Variants in PRELID2 observed in about 807,000 individuals in gnomAD.
PRELID2 encodes the protein PRELI domain containing 2.
A neutral mutation model predicts 28.4 loss-of-function variants in PRELID2; 25 were observed. That is an observed-to-expected ratio of 0.88 (90% CI 0.64 to 1.23). The LOEUF (loss-of-function observed/expected upper bound fraction) is 1.23. Ranked by LOEUF, PRELID2 falls within the 50% of genes most tolerant of loss-of-function variation. The pLI is 0.00. For synonymous variants in PRELID2, 76 were observed against 71.6 expected (o/e 1.06, Z -0.31); for missense variants, 201 against 214.4 (o/e 0.94, Z 0.39).
chr5:145,278,001 C>G, the PRELID2 span, among the ~76,000 whole-genome samples: 1 of 152,164 alleles, frequency 6.6e-6, no homozygotes, highest in African/African-American at 2.4e-5. Flanking sequence ...ACCAGTGATT[C>G]TAAAGTCTCT....
At chr5:145,600,438 T>A (rs914326993) in intron 1 of PRELID2, among the ~76,000 whole-genome samples, 73 of 136,280 alleles carry the variant, frequency 5.4e-4, no homozygotes, top group South Asian at 1.5e-3. Context: ...AAAAAAAATA[T>A]ATATATATAT....
chr5:145,624,143 G>A (rs1378304725), intron 1 of PRELID2, among the ~76,000 whole-genome samples: 1 of 152,200 alleles, frequency 6.6e-6, no homozygotes, highest in Non-Finnish European at 1.5e-5. Context: ...CAATAGTGGG[G>A]AAGTGTGCTG....
rs559399282 is a variant in PRELID2, at chr5:145,813,678, T to C, written c.368+4216A>G. Among the ~76,000 whole-genome samples, 257 of 152,280 alleles carry C rather than the reference T, an allele frequency of 1.7e-3. 2 individuals are homozygous for C. The highest frequency in any genetic ancestry group is 2.9e-3 in the Non-Finnish European group (197 of 68,024). ...CTCCAAAGAATACACATGAAGGATA[T>C]AGCTTTGACCTTGACATAGTAGGCA... On this transcript the variant is annotated intron_variant, in intron 4 of 6. Coordinates refer to ENST00000683046, the MANE Select transcript of PRELID2 (RefSeq NM_205846.3).
intron 1 of PRELID2, among the ~76,000 whole-genome samples, chr5:145,833,955 A>C (rs1755770328): frequency 6.6e-6 from 1 of 152,176 alleles, no homozygotes; most frequent in Admixed American, 6.5e-5. Flanking sequence ...CAGAGAACTA[A>C]CCACGCATAG....
intron 4 of PRELID2, among the ~76,000 whole-genome samples, chr5:145,802,092 T>C (rs894734337): frequency 1.3e-5 from 2 of 152,242 alleles, no homozygotes; most frequent in African/African-American, 2.4e-5. Flanking sequence ...CTCAGTCTTA[T>C]GTGTATAAGA....
the PRELID2 span, among the ~76,000 whole-genome samples, chr5:145,412,310 C>T: frequency 1.3e-5 from 2 of 152,072 alleles, no homozygotes; most frequent in African/African-American, 4.8e-5. Context: ...ATTCTTTTAC[C>T]AGATACCCTA....
At chr5:145,341,809 A>G in the PRELID2 span, among the ~76,000 whole-genome samples, 2 of 152,320 alleles carry the variant, frequency 1.3e-5, no homozygotes, top group African/African-American at 4.8e-5. Flanking sequence ...GTGGTCAAAG[A>G]GAAAATGAAA....
intron 1 of PRELID2, among the ~76,000 whole-genome samples, chr5:145,672,586 C>G (rs1283508191): frequency 1.3e-5 from 2 of 151,366 alleles, no homozygotes; most frequent in Non-Finnish European, 2.9e-5. Context: ...ATCTCTTCAT[C>G]ATGTAACAGA....
At chr5:145,276,178 C>T in the PRELID2 span, among the ~76,000 whole-genome samples, 15 of 152,196 alleles carry the variant, frequency 9.9e-5, no homozygotes, top group African/African-American at 2.6e-4. Flanking sequence ...TTTTTGATAA[C>T]GATGGAATTT....
chr5:145,558,711 G>C (rs973961668), intron 1 of PRELID2, among the ~76,000 whole-genome samples: 1 of 152,142 alleles, frequency 6.6e-6, no homozygotes, highest in Non-Finnish European at 1.5e-5. Flanking sequence ...TTAAAAAACT[G>C]AAGAGTCTGA....
In PRELID2 at chr5:145,487,950, T is replaced by C. The variant is rs180751643; in HGVS notation, n.71-14635A>G. On this transcript the variant is annotated intron_variant and non_coding_transcript_variant, in intron 1 of 2. Transcript: ENST00000510259. ...CCATCCTGGCTAACAGGGTGAAAAC[T>C]CATCTCTACTAAAAATACAAAAAAT... Among the ~76,000 whole-genome samples, 63 of 151,144 alleles carry C rather than the reference T, an allele frequency of 4.2e-4. 1 individual carries two copies. In the East Asian group the frequency reaches 0.012, roughly 28 times the overall value.
chr5:145,377,929 G>A, the PRELID2 span, among the ~76,000 whole-genome samples: 8 of 152,116 alleles, frequency 5.3e-5, no homozygotes, highest in African/African-American at 1.9e-4. Context: ...AATTGTTTAT[G>A]TGGTTGCTTT....
chr5:145,766,145 A>G (rs1757744034), intron 5 of PRELID2, among the ~76,000 whole-genome samples: 1 of 151,552 alleles, frequency 6.6e-6, no homozygotes, highest in South Asian at 2.1e-4. Flanking sequence ...TTATGATGCA[A>G]TTATAAACTG....
the PRELID2 span, among the ~76,000 whole-genome samples, chr5:145,408,882 C>A: frequency 6.6e-6 from 1 of 152,094 alleles, no homozygotes; most frequent in Admixed American, 6.6e-5. Context: ...CTCAAAAATT[C>A]ATTAAACAAA....
chr5:145,489,435 A>T (rs536839197), intron 1 of PRELID2, among the ~76,000 whole-genome samples: 14 of 152,260 alleles, frequency 9.2e-5, no homozygotes, highest in African/African-American at 3.4e-4. Flanking sequence ...CTTATGTAAG[A>T]TTCCTGACAA....
At chr5:145,769,609 G>T (rs570027583) in intron 5 of PRELID2, among the ~76,000 whole-genome samples, 1 of 152,294 alleles carries the variant, frequency 6.6e-6, no homozygotes, top group East Asian at 1.9e-4. Context: ...TTCTCAAAAG[G>T]TGCATCCACA....
At chr5:145,257,562 A>G in the PRELID2 span, among the ~76,000 whole-genome samples, 1 of 152,170 alleles carries the variant, frequency 6.6e-6, no homozygotes, top group East Asian at 1.9e-4. Flanking sequence ...TTGCCAGACA[A>G]TATAAAACCA....
chr5:145,258,354 A>C, the PRELID2 span, among the ~76,000 whole-genome samples: 1 of 152,200 alleles, frequency 6.6e-6, no homozygotes, highest in Non-Finnish European at 1.5e-5. Flanking sequence ...ATGAGGGAAA[A>C]TTTGGAACAT....
At chr5:145,665,319 G>A (rs149188737) in intron 1 of PRELID2, among the ~76,000 whole-genome samples, 19 of 152,142 alleles carry the variant, frequency 1.2e-4, no homozygotes, top group East Asian at 7.7e-4. Flanking sequence ...ATTGGCAATC[G>A]CTGTCTGGAA....
Sources: allele counts gnomAD v4.1 joint callset (sites outside exome capture counted in the v4.1 genomes callset), GRCh38; gene constraint gnomAD v4.1.1; transcripts MANE v1.5; gene names NCBI Gene and HGNC (gene_info 2026-07-23, HGNC 2026-07-21).